The following CRACD variants were observed in gnomAD, a reference collection of about 807,000 sequenced individuals.
The protein encoded by CRACD is capping protein inhibiting regulator of actin dynamics.
A neutral mutation model predicts 106.8 loss-of-function variants in CRACD; 56 were observed. That is an observed-to-expected ratio of 0.52 (90% CI 0.42 to 0.66). The LOEUF is 0.66. CRACD is among the 30% of genes least tolerant of loss of function. CRACD has a pLI of 0.00. For synonymous variants in CRACD, 754 were observed against 670.8 expected (o/e 1.12, Z -1.92); for missense variants, 1,730 against 1,623.2 (o/e 1.07, Z -1.13).
chr4:56,145,734 GC>G (rs1286037912), intron 1 of CRACD, among the ~76,000 whole-genome samples: 5 of 151,872 alleles, frequency 3.3e-5, no homozygotes, highest in African/African-American at 1.2e-4. Flanking sequence ...GCCTCACTCA[GC>G]CCCCCAAAGT....
chr4:56,093,641 G>T (rs1240061106), intron 1 of CRACD, among the ~76,000 whole-genome samples: 3 of 152,108 alleles, frequency 2.0e-5, no homozygotes. Flanking sequence ...CTGATGCCAG[G>T]TTCCATTTGA....
intron 1 of CRACD, among the ~76,000 whole-genome samples, chr4:56,092,343 T>G (rs1245382565): frequency 2.6e-5 from 4 of 152,254 alleles, no homozygotes; most frequent in South Asian, 4.2e-4. Flanking sequence ...TCCTTTTGCT[T>G]ATGGGAGTCG....
chr4:56,109,777 C>T (rs1403506033), intron 1 of CRACD, among the ~76,000 whole-genome samples: 1 of 148,344 alleles, frequency 6.7e-6, no homozygotes, highest in Non-Finnish European at 1.5e-5. Flanking sequence ...GTGAGGAAAC[C>T]TCTTACCAAG....
intron 2 of CRACD, among the ~76,000 whole-genome samples, chr4:56,204,613 G>A (rs1050878422): frequency 1.3e-5 from 2 of 152,188 alleles, no homozygotes; most frequent in African/African-American, 4.8e-5. Flanking sequence ...TTAAACATGA[G>A]TTTTGGAAGG....
intron 2 of CRACD, among the ~76,000 whole-genome samples, chr4:56,207,785 T>TA (rs1738204649): frequency 7.6e-5 from 11 of 143,852 alleles, no homozygotes; most frequent in African/African-American, 2.5e-4. Context: ...TATATGCTTA[T>TA]TTTATTTTAT....
At chr4:56,153,656 A>G (rs1003790789) in intron 1 of CRACD, among the ~76,000 whole-genome samples, 11 of 152,140 alleles carry the variant, frequency 7.2e-5, no homozygotes, top group Non-Finnish European at 1.5e-4. Flanking sequence ...ATGCCTTGTA[A>G]TTCCTCTCAA....
intron 2 of CRACD, among the ~76,000 whole-genome samples, chr4:56,260,882 T>TATCCATCCATCCATCC (rs11276099): frequency 7.3e-5 from 11 of 149,846 alleles, no homozygotes; most frequent in African/African-American, 2.0e-4. Flanking sequence ...TCTGTCTGTG[T>TATCCATCCATCCATCC]ATCCATCCAT....
intron 1 of CRACD, among the ~76,000 whole-genome samples, chr4:56,053,507 A>C (rs1391823244): frequency 6.6e-6 from 1 of 152,224 alleles, no homozygotes; most frequent in Non-Finnish European, 1.5e-5. Flanking sequence ...TAATAAAGGC[A>C]AATTTCACTT....
Position 56,298,356 on chromosome 4 carries a change from C to G in CRACD, c.120+7C>G. On this transcript the variant is annotated splice_region_variant and intron_variant, in intron 4 of 10. Transcript: ENST00000682029. ...CAAAGTCAAAACTCTTCAGGTAAGACAGCTTGAGAGTGGAATTACGAGCCA... is the reference window on the plus strand; with the variant it reads ...CAAAGTCAAAACTCTTCAGGTAAGAGAGCTTGAGAGTGGAATTACGAGCCA... 2 of 1,613,604 alleles carry G rather than the reference C, an allele frequency of 1.2e-6. No homozygotes were observed. Among genetic ancestry groups the G allele is most frequent in the Non-Finnish European group, 1.7e-6 (2 of 1,179,828 alleles).
Position 56,298,345 on chromosome 4 carries a change from T to C in CRACD, c.116T>C (p.Leu39Pro), listed in dbSNP as rs1476471578. 1 of 1,613,888 alleles carries C rather than the reference T, an allele frequency of 6.2e-7. No homozygotes were observed. Among genetic ancestry groups the C allele is most frequent in the African/African-American group, 1.3e-5 (1 of 74,892 alleles). The change falls in exon 4 of 11, where the codon CTT becomes CCT. Residue 39 changes from leucine (L) to proline (P), a missense_variant. Leu to Pro is a moderately conservative substitution (Grantham distance 98). This residue lies in a region of CRACD where 1,620 missense variants were observed against 1,481.6 expected (regional missense o/e 1.09). Coordinates refer to ENST00000682029, the MANE Select transcript of CRACD (RefSeq NM_001393381.1). ...QDNILGKVKTLQQQLGKNIKF... is the reference protein window; with the variant it reads ...QDNILGKVKTPQQQLGKNIKF... ...AACATCCTGGGCAAAGTCAAAACTC[T>C]TCAGGTAAGACAGCTTGAGAGTGGA...
At chr4:56,322,464 CAG>C (rs1273156295) in intron 8 of CRACD, among the ~76,000 whole-genome samples, 2 of 152,208 alleles carry the variant, frequency 1.3e-5, no homozygotes, top group South Asian at 2.1e-4. Context: ...ACAAGAAAAA[CAG>C]AGACGGAAGT....
intron 6 of CRACD, among the ~76,000 whole-genome samples, chr4:56,312,536 C>G (rs181853772): frequency 6.6e-6 from 1 of 152,100 alleles, no homozygotes; most frequent in African/African-American, 2.4e-5. Context: ...TCCTTTATTC[C>G]TTCAACAGAT....
In CRACD at chr4:56,290,521, C is replaced by G. The variant is rs185677685; in HGVS notation, c.-16-7693C>G. Among the ~76,000 whole-genome samples, 290 of 152,274 alleles carry G rather than the reference C, an allele frequency of 1.9e-3. 3 individuals carry two copies. The highest frequency in any genetic ancestry group is 6.6e-3 in the African/African-American group (276 of 41,540). On this transcript the variant is annotated intron_variant, in intron 3 of 10. Coordinates refer to ENST00000682029, the MANE Select transcript of CRACD (RefSeq NM_001393381.1). ...TTAAAGGTAAAGCCAGAAGAGCAAC[C>G]TCAGGCTGTTCTCCCATCAATGTCT... is the stretch of plus-strand genomic sequence containing the variant.
Position 56,328,752 on chromosome 4 carries a change from A to G in CRACD, c.*948A>G, listed in dbSNP as rs556381696. On this transcript the variant is annotated 3_prime_UTR_variant, in exon 11 of 11. Coordinates refer to ENST00000682029, the MANE Select transcript of CRACD (RefSeq NM_001393381.1). Reference sequence around the variant, plus strand: ...AAGAACTGTGAGAAACACTGATCCTAATGCAATCTAATTTTTCAGACTTCG... The same window carrying G: ...AAGAACTGTGAGAAACACTGATCCTGATGCAATCTAATTTTTCAGACTTCG... The G allele has an allele frequency of 1.4e-4, 21 of 153,500 alleles. 1 individual carries two copies. The South Asian group carries it at 4.0e-3, about 30-fold the overall frequency. 9.5% of individuals were successfully genotyped at this position (153,500 alleles called of 1,614,324 possible). A position where few individuals can be genotyped will look rare whatever the true frequency, so the allele number is the denominator to read the frequency against.
At chr4:56,090,181 C>T (rs1260777606) in intron 1 of CRACD, among the ~76,000 whole-genome samples, 1 of 149,370 alleles carries the variant, frequency 6.7e-6, no homozygotes, top group Non-Finnish European at 1.5e-5. Flanking sequence ...GCAGGATCAA[C>T]TAGTTAAGAA....
chr4:56,247,573 C>T (rs558315131), intron 2 of CRACD, among the ~76,000 whole-genome samples: 11 of 152,148 alleles, frequency 7.2e-5, no homozygotes, highest in East Asian at 3.9e-4. Flanking sequence ...GAGCTGGGCA[C>T]GGTGGCTCAT....
chr4:56,104,966 CAAAAAAA>C (rs34655977), intron 1 of CRACD, among the ~76,000 whole-genome samples: 1 of 68,888 alleles, frequency 1.5e-5, no homozygotes, highest in Non-Finnish European at 3.1e-5. Flanking sequence ...GACTCCGTCT[CAAAAAAA>C]AAAAAAAAAA....
chr4:56,146,281 C>T (rs1735377483), intron 1 of CRACD, among the ~76,000 whole-genome samples: 1 of 151,986 alleles, frequency 6.6e-6, no homozygotes, highest in Non-Finnish European at 1.5e-5. Flanking sequence ...TAAACATGAT[C>T]AGCTATTTAA....
intron 2 of CRACD, among the ~76,000 whole-genome samples, chr4:56,252,903 G>T (rs116054458): frequency 6.6e-6 from 1 of 152,188 alleles, no homozygotes; most frequent in South Asian, 2.1e-4. Context: ...TGAGCGGTTC[G>T]TGTAATTCCC....
Sources: gnomAD v4.1 joint callset for allele counts (sites outside exome capture counted in the v4.1 genomes callset) on GRCh38, gnomAD v4.1.1 for gene constraint, gnomAD v4.1.1 regional missense constraint, MANE v1.5 for transcripts, NCBI Gene and HGNC (gene_info 2026-07-23, HGNC 2026-07-21) for gene names.